TAF15: variants seen among roughly 807,000 people sequenced by gnomAD.
TAF15 encodes the protein TATA-box binding protein associated factor 15, also known as TATA-binding protein-associated factor 2N.
Under a neutral mutation model 102.5 loss-of-function variants are expected in TAF15, and 37 were observed. The ratio of observed to expected loss-of-function variants is 0.36; its 90% confidence interval spans 0.28 to 0.47. TAF15 has a LOEUF of 0.47. Ranked by LOEUF, TAF15 falls within the 20% of genes least tolerant of loss-of-function variation. The probability of loss-of-function intolerance (pLI) is 0.99; values close to 1 mark genes in which losing one functional copy is unlikely to be tolerated. For missense variants in TAF15, 652 were observed against 760.7 expected, an observed-to-expected ratio of 0.86 and a Z score of 1.68; for synonymous variants, 273 against 259.2, an observed-to-expected ratio of 1.05 and a Z score of -0.51.
chr17:35,822,107 C>T (rs748493739), intron 5 of TAF15, among the ~76,000 whole-genome samples: 57 of 151,506 alleles, frequency 3.8e-4, no homozygotes, highest in Non-Finnish European at 7.7e-4. Context: ...TTTGGGAGGC[C>T]GAGACGGGTG....
intron 8 of TAF15, 73 bp from the exon 9 acceptor site, chr17:35,834,493 A>G: frequency 6.9e-7 from 1 of 1,458,364 alleles, no homozygotes; most frequent in Non-Finnish European, 9.6e-7. Flanking sequence ...GCCTTGGTTT[A>G]TTACTATTTT....
chr17:35,836,033 A>G (rs1414819706), intron 9 of TAF15, 99 bp from the exon 10 acceptor site: 1 of 832,530 alleles, frequency 1.2e-6, no homozygotes, highest in East Asian at 2.6e-5. Context: ...GGTCATAGAA[A>G]CAATTGAATA....
Position 35,844,334 on chromosome 17 carries a change from G to T in TAF15, c.1143G>T (p.Glu381Asp), listed in dbSNP as rs1482601565. ...GGAATTCCTGCAATCAGTGCAATGA[G>T]CCTAGACCAGAGGACTCTCGTCCCT... is the stretch of plus-strand genomic sequence containing the variant. ...ARRNSCNQCNEPRPEDSRPSG... is the reference protein window; with the variant it reads ...ARRNSCNQCNDPRPEDSRPSG... Residue 381 changes from glutamate (E) to aspartate (D), a missense_variant, in exon 14 of 16, where the codon GAG becomes GAT. Around this residue, in one of 3 missense-constraint regions of TAF15, gnomAD observed 368 missense variants for 367.5 expected, o/e 1.00. Transcript: ENST00000605844. The T allele has an allele frequency of 8.1e-6, 13 of 1,614,234 alleles. No homozygotes were observed. The highest frequency in any genetic ancestry group is 1.1e-5 in the Non-Finnish European group (13 of 1,180,044).
chr17:35,839,281 CA>C (rs58542498), intron 11 of TAF15, among the ~76,000 whole-genome samples: 46 of 90,638 alleles, frequency 5.1e-4, no homozygotes, highest in Non-Finnish European at 5.9e-4. Context: ...AACCTGTCTC[CA>C]AAAAAAAAAA....
intron 5 of TAF15, 92 bp downstream of exon 5, chr17:35,820,529 CTTTTTT>C: frequency 1.0e-6 from 1 of 959,752 alleles, no homozygotes; most frequent in Non-Finnish European, 1.5e-6. Flanking sequence ...TAGCTTTAAA[CTTTTTT>C]TTTTTTTAAA....
At chr17:35,845,231 A>G (rs1206542690) in intron 15 of TAF15, among the ~76,000 whole-genome samples, 193 bp downstream of exon 15, 2 of 152,066 alleles carry the variant, frequency 1.3e-5, no homozygotes, top group Non-Finnish European at 2.9e-5. Flanking sequence ...TTTAACTTTA[A>G]TTTTTATTTT....
chr17:35,829,713 G>A (rs1457374657), intron 7 of TAF15, among the ~76,000 whole-genome samples: 3 of 150,394 alleles, frequency 2.0e-5, no homozygotes, highest in Non-Finnish European at 4.4e-5. Context: ...TTCTTGAGAA[G>A]CATCTGAAAT....
intron 7 of TAF15, among the ~76,000 whole-genome samples, chr17:35,827,657 A>T (rs941621371): frequency 6.6e-6 from 1 of 152,042 alleles, no homozygotes; most frequent in Non-Finnish European, 1.5e-5. Context: ...GTGAGCTGAG[A>T]TCACACCATT....
chr17:35,823,706 C>CAA (rs57004932), intron 6 of TAF15: 2,068 of 160,632 alleles, frequency 0.013, 11 homozygotes, highest in East Asian at 0.076. Flanking sequence ...CTCTTGTCTC[C>CAA]AAAAAAAAAA....
rs973359506 is a variant in TAF15, at chr17:35,845,152, C to T, written c.1739+114C>T. On this transcript the variant is annotated intron_variant, in intron 15 of 15. Transcript: ENST00000605844. ...TTGAATTTCCCATTGCCAGTTCTCT[C>T]AGGATGGAGAAGATGATTTAGTTTC... is the stretch of plus-strand genomic sequence containing the variant. The T allele has an allele frequency of 6.0e-6, 8 of 1,334,672 alleles. No homozygotes were observed. In the African/African-American group the frequency reaches 1.1e-4, roughly 19 times the overall value. The allele number at this position is 1,334,672 out of a possible 1,614,324, so 82.7% of individuals were successfully genotyped here.
At chr17:35,822,148 C>T (rs900492235) in intron 5 of TAF15, among the ~76,000 whole-genome samples, 4 of 151,914 alleles carry the variant, frequency 2.6e-5, no homozygotes. Flanking sequence ...TAAAGACCAG[C>T]CTGACCAACA....
intron 9 of TAF15, among the ~76,000 whole-genome samples, chr17:35,834,845 A>C (rs2087455140): frequency 6.8e-6 from 1 of 147,650 alleles, no homozygotes; most frequent in Non-Finnish European, 1.5e-5. Context: ...TGCCGGGTTC[A>C]AGCAGTTCTC....
At chr17:35,819,987 A>G (rs750294861) in intron 2 of TAF15, 37 bp from the exon 3 acceptor site, 11 of 1,594,054 alleles carry the variant, frequency 6.9e-6, no homozygotes. Context: ...TAAAATTTCT[A>G]CACATTTCTT....
chr17:35,839,662 G>A (rs1441152921), intron 11 of TAF15, among the ~76,000 whole-genome samples: 5 of 152,224 alleles, frequency 3.3e-5, no homozygotes, highest in East Asian at 1.9e-4. Context: ...GATTACAGGC[G>A]TGAGCCACCG....
Position 35,844,642 on chromosome 17 carries a change from G to C in TAF15, c.1343G>C (p.Gly448Ala), listed in dbSNP as rs1476500379. ...SGDRSGGGYG[G>A]DRSGGGYGGD... ...GATAGAAGTGGGGGCGGCTATGGTGGAGACAGAAGTGGGGGTGGCTATGGT... is the reference window on the plus strand; with the variant it reads ...GATAGAAGTGGGGGCGGCTATGGTGCAGACAGAAGTGGGGGTGGCTATGGT... Residue 448 changes from glycine to alanine, a missense_variant, in exon 15 of 16, where the codon GGA becomes GCA. By Grantham distance (60) the Gly-to-Ala change is moderately conservative (BLOSUM62 0). Coordinates refer to ENST00000605844, the MANE Select transcript of TAF15 (RefSeq NM_139215.3). 1.2e-6 allele frequency: 2 copies of C among 1,602,214 alleles called. No homozygotes were observed. Among genetic ancestry groups the C allele is most frequent in the South Asian group, 2.2e-5 (2 of 90,418 alleles).
chr17:35,836,996 T>G (rs144614308), intron 10 of TAF15, among the ~76,000 whole-genome samples: 1 of 152,092 alleles, frequency 6.6e-6, no homozygotes, highest in East Asian at 1.9e-4. Context: ...ATGGTCTTGA[T>G]CTCTTGACCT....
intron 5 of TAF15, among the ~76,000 whole-genome samples, chr17:35,820,940 T>G (rs951738692): frequency 6.6e-6 from 1 of 152,182 alleles, no homozygotes; most frequent in Non-Finnish European, 1.5e-5. Context: ...CCTTTCAGAT[T>G]TAAAGAGCTG....
At chr17:35,844,054 C>G (rs374424287) in intron 12 of TAF15, 23 bp from the exon 13 acceptor site, 3 of 1,609,424 alleles carry the variant, frequency 1.9e-6, no homozygotes, top group Non-Finnish European at 8.5e-7. Flanking sequence ...GCTGATTTTT[C>G]TCCCCTGGCC....
chr17:35,846,803 A>G (rs1304102891), intron 15 of TAF15, 103 bp from the exon 16 acceptor site: 1 of 1,207,100 alleles, frequency 8.3e-7, no homozygotes, highest in Non-Finnish European at 1.2e-6. Context: ...TTCTTTAGAA[A>G]TTGTCTAGCT....
Sources: allele counts gnomAD v4.1 joint callset (sites outside exome capture counted in the v4.1 genomes callset), GRCh38; gene constraint gnomAD v4.1.1; regional missense constraint gnomAD v4.1.1; transcripts MANE v1.5; gene names NCBI Gene and HGNC (gene_info 2026-07-23, HGNC 2026-07-21).